TAOK1: variants seen among roughly 807,000 people sequenced by gnomAD.
TAOK1 encodes the protein serine/threonine-protein kinase TAO1.
TAOK1 carries 21 observed loss-of-function variants against 138.3 expected under a neutral mutation model. The observed-to-expected ratio is 0.15, with a 90% confidence interval of 0.11 to 0.22. The LOEUF is 0.22. Among genes scored for constraint, TAOK1 ranks in the 10% least tolerant of loss-of-function variants. The pLI is 1.00. For synonymous variants in TAOK1, 361 were observed against 398.4 expected, an observed-to-expected ratio of 0.91 and a Z score of 1.12; for missense variants, 651 against 1,227.7, an observed-to-expected ratio of 0.53 and a Z score of 7.02.
intron 1 of TAOK1, among the ~76,000 whole-genome samples, chr17:29,432,056 C>T (rs1176130610): frequency 3.9e-5 from 6 of 152,036 alleles, no homozygotes; most frequent in Non-Finnish European, 8.8e-5. Context: ...CCTAACCCAG[C>T]GTTGCTAGAG....
intron 2 of TAOK1, among the ~76,000 whole-genome samples, chr17:29,461,789 A>G (rs1293327969): frequency 6.6e-6 from 1 of 151,878 alleles, no homozygotes; most frequent in Non-Finnish European, 1.5e-5. Flanking sequence ...GGGCCAGGAA[A>G]CTCTCCAATT....
intron 3 of TAOK1, among the ~76,000 whole-genome samples, chr17:29,469,064 T>C (rs2030749823): frequency 6.6e-6 from 1 of 152,150 alleles, no homozygotes; most frequent in African/African-American, 2.4e-5. Flanking sequence ...TAAATTTATT[T>C]ATGAAATGTA....
chr17:29,437,707 T>C (rs756824308), intron 1 of TAOK1, among the ~76,000 whole-genome samples: 1 of 151,312 alleles, frequency 6.6e-6, no homozygotes, highest in Non-Finnish European at 1.5e-5. Flanking sequence ...GGAGTACTTA[T>C]GCCTTTTGAA....
At chr17:29,485,532 G>A (rs988775854) in intron 8 of TAOK1, among the ~76,000 whole-genome samples, 6 of 152,096 alleles carry the variant, frequency 3.9e-5, no homozygotes, top group African/African-American at 1.4e-4. Flanking sequence ...CCAGCTACTC[G>A]GGAGGCAGAG....
intron 2 of TAOK1, among the ~76,000 whole-genome samples, chr17:29,460,622 A>G (rs2030509475): frequency 6.6e-6 from 1 of 152,220 alleles, no homozygotes; most frequent in Non-Finnish European, 1.5e-5. Flanking sequence ...ACATTACCCT[A>G]AGAAATATGG....
chr17:29,479,809 A>G (rs1188605715), intron 6 of TAOK1, among the ~76,000 whole-genome samples: 2 of 152,102 alleles, frequency 1.3e-5, no homozygotes, highest in Non-Finnish European at 2.9e-5. Flanking sequence ...GCTATTTCAG[A>G]AAAGTAAATT....
chr17:29,534,411 C>T (rs765126653), intron 19 of TAOK1, 111 bp downstream of exon 19: 8 of 1,006,478 alleles, frequency 7.9e-6, no homozygotes, highest in Non-Finnish European at 1.1e-5. Context: ...TTTCACAATA[C>T]CACATTTCCT....
intron 13 of TAOK1, among the ~76,000 whole-genome samples, chr17:29,506,736 T>G (rs1295872802): frequency 6.6e-6 from 1 of 152,218 alleles, no homozygotes; most frequent in African/African-American, 2.4e-5. Context: ...CAATTATGAT[T>G]TGTCAAAACA....
chr17:29,414,478 G>C (rs370571479), intron 1 of TAOK1, among the ~76,000 whole-genome samples: 2 of 151,218 alleles, frequency 1.3e-5, no homozygotes, highest in African/African-American at 4.9e-5. Flanking sequence ...TTGAACTCCT[G>C]ACCTCAAGTG....
At chr17:29,526,845 A>AAAAAAAT (rs2032019603) in intron 17 of TAOK1, among the ~76,000 whole-genome samples, 1 of 150,534 alleles carries the variant, frequency 6.6e-6, no homozygotes, top group Admixed American at 6.6e-5. Context: ...AAAAAAAAAA[A>AAAAAAAT]AAGCCAGGCA....
chr17:29,413,291 C>T (rs1478362201), intron 1 of TAOK1, among the ~76,000 whole-genome samples: 1 of 152,088 alleles, frequency 6.6e-6, no homozygotes, highest in Non-Finnish European at 1.5e-5. Context: ...GTGAAATGCA[C>T]ATAACATAAA....
At chr17:29,508,643 T>C (rs1470161736) in intron 14 of TAOK1, among the ~76,000 whole-genome samples, 1 of 152,158 alleles carries the variant, frequency 6.6e-6, no homozygotes, top group African/African-American at 2.4e-5. Context: ...TTTATTCTCT[T>C]TTTTGTATTT....
At chr17:29,498,270 G>C (rs2031450912) in intron 11 of TAOK1, 48 bp from the exon 12 acceptor site, 2 of 1,593,138 alleles carry the variant, frequency 1.3e-6, no homozygotes, top group African/African-American at 2.7e-5. Context: ...TCAGAAGAGA[G>C]AGATATATAT....
intron 1 of TAOK1, among the ~76,000 whole-genome samples, chr17:29,428,863 A>C (rs1334483962): frequency 1.3e-5 from 2 of 151,744 alleles, no homozygotes; most frequent in Non-Finnish European, 2.9e-5. Flanking sequence ...CCTAGGCTCA[A>C]GTGATCCTCT....
chr17:29,442,053 TTTTG>T (rs1567719455), intron 1 of TAOK1, among the ~76,000 whole-genome samples: 1 of 152,042 alleles, frequency 6.6e-6, no homozygotes, highest in African/African-American at 2.4e-5. Context: ...CTGTCTTTTT[TTTTG>T]TTTGTTTTTT....
chr17:29,402,828 C>T (rs528156862), intron 1 of TAOK1, among the ~76,000 whole-genome samples: 3 of 151,276 alleles, frequency 2.0e-5, no homozygotes, highest in Non-Finnish European at 2.9e-5. Flanking sequence ...CTTGAGGTCA[C>T]GAGTTCAAAA....
At chr17:29,483,617 C>T (rs559838468) in intron 8 of TAOK1, among the ~76,000 whole-genome samples, 6 of 152,054 alleles carry the variant, frequency 3.9e-5, no homozygotes, top group African/African-American at 1.2e-4. Flanking sequence ...AAAATGTAAT[C>T]TTTAAGTATT....
At chr17:29,471,149 C>G (rs191999523) in intron 3 of TAOK1, among the ~76,000 whole-genome samples, 168 of 115,106 alleles carry the variant, frequency 1.5e-3, no homozygotes, top group Middle Eastern at 4.2e-3. Context: ...CAACACAAGA[C>G]TTCATCTAAA....
At chr17:29,477,018 T>C (rs2030959896) in intron 4 of TAOK1, among the ~76,000 whole-genome samples, 1 of 152,082 alleles carries the variant, frequency 6.6e-6, no homozygotes, top group Non-Finnish European at 1.5e-5. Context: ...GCTAATTTTT[T>C]ATATTTTTAG....
Sources: gnomAD v4.1 joint callset for allele counts (sites outside exome capture counted in the v4.1 genomes callset) on GRCh38, gnomAD v4.1.1 for gene constraint, MANE v1.5 for transcripts, NCBI Gene and HGNC (gene_info 2026-07-23, HGNC 2026-07-21) for gene names.